Variants in ANKDD1A observed in about 807,000 individuals in gnomAD.
The protein encoded by ANKDD1A is ankyrin repeat and death domain containing 1A.
ANKDD1A carries 59 observed loss-of-function variants against 63.5 expected under a neutral mutation model. That is an observed-to-expected ratio of 0.93 (90% CI 0.75 to 1.15). The LOEUF (loss-of-function observed/expected upper bound fraction) is 1.15, where lower values mean the gene tolerates loss of function less well. Among genes scored for constraint, ANKDD1A ranks in the 50% most tolerant of loss-of-function variants. ANKDD1A has a pLI of 0.00. For missense variants in ANKDD1A, 632 were observed against 656.4 expected (o/e 0.96, Z 0.41); for synonymous variants, 266 against 263.9 (o/e 1.01, Z -0.08).
At chr15:64,939,118 C>G (rs976137257) in intron 9 of ANKDD1A, among the ~76,000 whole-genome samples, 1 of 151,964 alleles carries the variant, frequency 6.6e-6, no homozygotes, top group Non-Finnish European at 1.5e-5. Flanking sequence ...GCAACTTTCA[C>G]GTAAAACTAA....
chr15:64,948,762 T>C (rs943045588), intron 13 of ANKDD1A, among the ~76,000 whole-genome samples: 5 of 150,926 alleles, frequency 3.3e-5, no homozygotes, highest in Non-Finnish European at 7.4e-5. Context: ...GGACACAGAG[T>C]TTGCAGTGAG....
intron 1 of ANKDD1A, 73 bp from the exon 2 acceptor site, chr15:64,915,724 G>A: frequency 1.5e-6 from 2 of 1,303,326 alleles, no homozygotes; most frequent in Admixed American, 1.7e-5. Context: ...GAGTGGAAAT[G>A]GGTTGTTTAC....
chr15:64,914,249 G>A (rs2084953709), intron 1 of ANKDD1A: 1 of 152,272 alleles, frequency 6.6e-6, no homozygotes, highest in Non-Finnish European at 1.5e-5. Flanking sequence ...GCCTCCCAAA[G>A]AGCTGGGATT....
chr15:64,918,202 A>G (rs2084984223), intron 3 of ANKDD1A, among the ~76,000 whole-genome samples: 1 of 152,240 alleles, frequency 6.6e-6, no homozygotes, highest in Admixed American at 6.5e-5. Context: ...GTCTCTACCA[A>G]AAAATACAAA....
Position 64,953,442 on chromosome 15 carries a change from TTTC to T in ANKDD1A, c.1483+3476_1483+3478del, listed in dbSNP as rs763504717. ...TCCCTTCTTCTTCCTCCTCCTTCCT[TTTC>T]TTCTTTCTTCTCTCCTTCTTCTTCT... On this transcript the variant is annotated intron_variant, in intron 14 of 14. Coordinates refer to ENST00000319580, the MANE Select transcript of ANKDD1A (RefSeq NM_182703.6). 4.8e-4 allele frequency among the ~76,000 whole-genome samples: 50 copies of T among 104,992 alleles called. 1 individual carries two copies. The highest frequency in any genetic ancestry group is 0.01 in the Middle Eastern group (2 of 192). The allele number at this position is 104,992 out of a possible 152,430, so 68.9% of individuals were successfully genotyped here.
intron 10 of ANKDD1A, 80 bp downstream of exon 10, chr15:64,942,645 C>T: frequency 9.1e-7 from 1 of 1,096,882 alleles, no homozygotes. Context: ...CTGTGGTCTC[C>T]TAGCATGGCC....
chr15:64,922,066 T>G, intron 4 of ANKDD1A, 47 bp downstream of exon 4: 1 of 1,572,634 alleles, frequency 6.4e-7, no homozygotes. Flanking sequence ...TCCCCTGGCC[T>G]GGATGCACAG....
Position 64,930,870 on chromosome 15 carries a change from G to A in ANKDD1A, c.619G>A (p.Val207Met), listed in dbSNP as rs948123621. Reference sequence around the variant, plus strand: ...GGCTGCTGGTCGGGGCCATATGGCTGTGCTGCAGCGACTTGTGGACATCGG... The same window carrying A: ...GGCTGCTGGTCGGGGCCATATGGCTATGCTGCAGCGACTTGTGGACATCGG... The part of the protein sequence containing the change: ...HLAAGRGHMA[V>M]LQRLVDIGLD... Residue 207 changes from valine to methionine, a missense_variant, in exon 7 of 15, where the codon GTG becomes ATG. Coordinates refer to ENST00000319580, the MANE Select transcript of ANKDD1A (RefSeq NM_182703.6). The A allele has an allele frequency of 3.7e-6, 6 of 1,612,998 alleles. No individual in the cohort carries two copies. In the African/African-American group the frequency reaches 5.3e-5, roughly 14 times the overall value.
intron 9 of ANKDD1A, among the ~76,000 whole-genome samples, chr15:64,940,690 G>A (rs554884629): frequency 4.6e-4 from 70 of 151,866 alleles, no homozygotes; most frequent in Middle Eastern, 6.8e-3. Context: ...CGCCCACCTC[G>A]GCCTCCCAAA....
At chr15:64,931,110 C>G (rs1305912567) in intron 7 of ANKDD1A, among the ~76,000 whole-genome samples, 190 bp downstream of exon 7, 1 of 152,170 alleles carries the variant, frequency 6.6e-6, no homozygotes, top group Non-Finnish European at 1.5e-5. Context: ...TGGCATGATG[C>G]CTCACCCCAG....
chr15:64,935,745 G>A (rs2085126520), intron 9 of ANKDD1A, among the ~76,000 whole-genome samples: 1 of 151,926 alleles, frequency 6.6e-6, no homozygotes, highest in South Asian at 2.1e-4. Context: ...TTGGGAGGCT[G>A]AAGCACGAGA....
intron 6 of ANKDD1A, among the ~76,000 whole-genome samples, chr15:64,927,589 T>C (rs560912241): frequency 1.3e-5 from 2 of 151,672 alleles, no homozygotes; most frequent in African/African-American, 4.8e-5. Context: ...CAAAATATGT[T>C]ACAGCAAATT....
In ANKDD1A at chr15:64,926,175, G is replaced by C. The variant is rs1567111253; in HGVS notation, c.471+5G>C. ...GCCCTGGACCACGTAGACAAGGTGA[G>C]AGTGCCTCAGGGCTACTCATCATTC... is the stretch of plus-strand genomic sequence containing the variant. On this transcript the variant is annotated splice_donor_5th_base_variant and intron_variant, in intron 5 of 14. Transcript: ENST00000319580. 2 of 1,613,338 alleles carry C rather than the reference G, an allele frequency of 1.2e-6. No homozygotes were observed. The highest frequency in any genetic ancestry group is 1.7e-6 in the Non-Finnish European group (2 of 1,179,706).
intron 9 of ANKDD1A, among the ~76,000 whole-genome samples, chr15:64,935,440 C>T (rs1476649543): frequency 6.6e-6 from 1 of 151,922 alleles, no homozygotes; most frequent in Non-Finnish European, 1.5e-5. Flanking sequence ...CTTTGGGAGG[C>T]CGAGGCGGGC....
At chr15:64,924,581 T>G (rs991808708) in intron 4 of ANKDD1A, among the ~76,000 whole-genome samples, 3 of 152,260 alleles carry the variant, frequency 2.0e-5, no homozygotes, top group African/African-American at 7.2e-5. Context: ...TTCGCTGCTG[T>G]TTATGTAGCT....
At chr15:64,921,396 ACGAAGTCTCACTCTGTCACTCAG>A (rs1316941998) in intron 3 of ANKDD1A, among the ~76,000 whole-genome samples, 1 of 152,076 alleles carries the variant, frequency 6.6e-6, no homozygotes. Context: ...TTGTTTTGAG[ACGAAGTCTCACTCTGTCACTCAG>A]GCTGGAGTGC....
At chr15:64,951,210 A>G (rs1360890077) in intron 14 of ANKDD1A, 1 of 1,003,948 alleles carries the variant, frequency 1.0e-6, no homozygotes, top group Non-Finnish European at 1.2e-6. Flanking sequence ...GATGGGTCCA[A>G]GGGCCTGTAA....
At position 64,917,519 on chromosome 15, in the gene ANKDD1A, G is replaced by GTGTCTGTC. The variant is rs3057940; in HGVS notation, c.267+19_267+26dup. The GTGTCTGTC allele has an allele frequency of 1.0e-4, 159 of 1,529,216 alleles. No homozygotes were observed. The highest frequency in any genetic ancestry group is 2.2e-4 in the African/African-American group (16 of 72,650). The allele number at this position is 1,529,216 out of a possible 1,614,324, so 94.7% of individuals were successfully genotyped here. A position where few individuals can be genotyped will look rare whatever the true frequency, so the allele number is the denominator to read the frequency against. ...CTCACAGAGGCACGTCTGTGTGTAC[G>GTGTCTGTC]TGTCTGTCTGTCTGTCTGTCTCAGG... On this transcript the variant is annotated splice_donor_region_variant and intron_variant, in intron 3 of 14. Transcript: ENST00000319580.
At position 64,926,083 on chromosome 15, in the gene ANKDD1A, G is replaced by A. The variant is rs980649492; in HGVS notation, c.384G>A (p.Leu128=). 1.9e-6 allele frequency: 3 copies of A among 1,613,670 alleles called. No individual in the cohort carries two copies. The highest frequency in any genetic ancestry group is 1.3e-5 in the African/African-American group (1 of 75,024). The change falls in exon 5 of 15, where the codon CTG becomes CTA. Residue 128 remains leucine, a synonymous_variant. Transcript: ENST00000319580. The part of the protein sequence containing the change: ...HCESKDGLTL[L]HCAAQKGHVP... Reference sequence around the variant, plus strand: ...GTTTCCAGGATGGCCTGACCTTACTGCACTGCGCAGCCCAAAAAGGCCATG... The same window carrying A: ...GTTTCCAGGATGGCCTGACCTTACTACACTGCGCAGCCCAAAAAGGCCATG...
Sources: allele counts gnomAD v4.1 joint callset (sites outside exome capture counted in the v4.1 genomes callset), GRCh38; gene constraint gnomAD v4.1.1; transcripts MANE v1.5; gene names NCBI Gene and HGNC (gene_info 2026-07-23, HGNC 2026-07-21).